XIRP2: variants seen among roughly 807,000 people sequenced by gnomAD.
XIRP2 encodes xin actin binding repeat containing 2.
XIRP2 carries 236 observed loss-of-function variants against 277.0 expected under a neutral mutation model. The observed-to-expected ratio is 0.85, with a 90% CI of 0.77 to 0.95. The LOEUF is 0.95. Among genes scored for constraint, XIRP2 ranks in the 40% least tolerant of loss-of-function variants. The probability of loss-of-function intolerance (pLI) is 0.00; values close to 1 mark genes in which losing one functional copy is unlikely to be tolerated. For missense variants in XIRP2, 4,640 were observed against 4,157.5 expected, an observed-to-expected ratio of 1.12 and a Z score of -3.19; for synonymous variants, 1,490 against 1,416.5, an observed-to-expected ratio of 1.05 and a Z score of -1.17.
At chr2:167,157,127 T>A (rs1337650596) in intron 3 of XIRP2, among the ~76,000 whole-genome samples, 1 of 151,892 alleles carries the variant, frequency 6.6e-6, no homozygotes, top group Non-Finnish European at 1.5e-5. Flanking sequence ...ACTAAAATCA[T>A]GGGAACAGGC....
intron 2 of XIRP2, among the ~76,000 whole-genome samples, chr2:167,114,438 C>G (rs77397967): frequency 0.082 from 12,448 of 151,836 alleles, 555 homozygotes; most frequent in South Asian, 0.17. Context: ...TTCCATTATG[C>G]AATTCTTTTT....
chr2:166,985,605 T>C (rs887036761), intron 2 of XIRP2, among the ~76,000 whole-genome samples: 3 of 152,050 alleles, frequency 2.0e-5, no homozygotes, highest in Non-Finnish European at 4.4e-5. Context: ...TAATTTTTGG[T>C]ATTTTTAGTA....
At position 167,258,283 on chromosome 2, in the gene XIRP2, TCTG is replaced by T; in HGVS notation, c.*469_*471del. 6.2e-7 allele frequency: 1 copy of T among 1,613,366 alleles called. No individual in the cohort carries two copies. On this transcript the variant is annotated 3_prime_UTR_variant, in exon 11 of 11. Coordinates refer to ENST00000409195, the MANE Select transcript of XIRP2 (RefSeq NM_152381.6). The stretch of plus-strand genomic sequence containing the variant: ...TATCCCCTGAATTTAAAAGTGAATC[TCTG>T]CTAGAAGATGTTAGAACTCCAGAAA...
chr2:167,080,872 A>T, intron 2 of XIRP2, among the ~76,000 whole-genome samples: 1 of 152,142 alleles, frequency 6.6e-6, no homozygotes, highest in East Asian at 1.9e-4. Context: ...TTAAGGTTGC[A>T]TTGAGAAAAT....
intron 3 of XIRP2, among the ~76,000 whole-genome samples, chr2:167,207,050 C>A (rs1693877857): frequency 2.0e-5 from 3 of 151,900 alleles, no homozygotes; most frequent in Non-Finnish European, 4.4e-5. Flanking sequence ...ATGTATCAAG[C>A]CATTGACCTT....
intron 2 of XIRP2, among the ~76,000 whole-genome samples, chr2:166,978,894 C>A (rs573582374): frequency 2.6e-5 from 4 of 152,122 alleles, no homozygotes; most frequent in Admixed American, 6.5e-5. Flanking sequence ...GTAGGCAAAT[C>A]CCTGAGACTG....
intron 2 of XIRP2, among the ~76,000 whole-genome samples, chr2:166,949,823 A>G (rs1004070808): frequency 6.6e-6 from 1 of 152,088 alleles, no homozygotes; most frequent in Non-Finnish European, 1.5e-5. Context: ...TGTGTCATAC[A>G]TTGTGTTTAT....
intron 2 of XIRP2, among the ~76,000 whole-genome samples, chr2:166,987,708 A>C (rs1558939337): frequency 6.6e-6 from 1 of 152,186 alleles, no homozygotes; most frequent in Non-Finnish European, 1.5e-5. Context: ...AAAGATTTGA[A>C]TGTGCCAGAT....
chr2:167,122,744 A>G (rs1691091826), intron 2 of XIRP2, among the ~76,000 whole-genome samples: 3 of 152,238 alleles, frequency 2.0e-5, no homozygotes, highest in Admixed American at 2.0e-4. Flanking sequence ...AATTCATAAC[A>G]CATCTATCAA....
intron 2 of XIRP2, among the ~76,000 whole-genome samples, chr2:166,930,684 A>T (rs569899536): frequency 6.6e-6 from 1 of 152,322 alleles, no homozygotes; most frequent in South Asian, 2.1e-4. Flanking sequence ...TTGGTAATTC[A>T]CTTTAACTCC....
intron 2 of XIRP2, among the ~76,000 whole-genome samples, chr2:167,129,643 A>C (rs1003357733): frequency 2.0e-5 from 3 of 152,046 alleles, no homozygotes; most frequent in Non-Finnish European, 2.9e-5. Flanking sequence ...GGCCGAGGCA[A>C]GTGGATCACC....
intron 2 of XIRP2, among the ~76,000 whole-genome samples, chr2:166,935,487 A>G (rs976841034): frequency 4.3e-5 from 6 of 139,804 alleles, no homozygotes; most frequent in Non-Finnish European, 8.0e-5. Flanking sequence ...ATATGTATGC[A>G]TGTGCCATGT....
chr2:166,903,948 C>T, intron 2 of XIRP2, 58 bp downstream of exon 2: 8 of 1,546,636 alleles, frequency 5.2e-6, no homozygotes, highest in Non-Finnish European at 6.1e-6. Context: ...CCTAGCCTAC[C>T]ATTTATTACT....
chr2:167,149,054 A>C (rs1448728365), intron 3 of XIRP2, among the ~76,000 whole-genome samples: 1 of 152,102 alleles, frequency 6.6e-6, no homozygotes. Context: ...TGGACTGTAC[A>C]CATAGGAGTG....
intron 2 of XIRP2, among the ~76,000 whole-genome samples, chr2:166,952,661 A>C (rs1686065523): frequency 6.6e-6 from 1 of 152,022 alleles, no homozygotes; most frequent in Non-Finnish European, 1.5e-5. Context: ...TTACTATAAC[A>C]ACTTTCATTG....
At chr2:166,905,204 A>G (rs1364213522) in intron 2 of XIRP2, among the ~76,000 whole-genome samples, 1 of 152,012 alleles carries the variant, frequency 6.6e-6, no homozygotes, top group Non-Finnish European at 1.5e-5. Context: ...TTACAATGTC[A>G]TTTATTTTTT....
intron 5 of XIRP2, among the ~76,000 whole-genome samples, chr2:167,226,155 A>G (rs1694595189): frequency 6.6e-6 from 1 of 152,228 alleles, no homozygotes; most frequent in South Asian, 2.1e-4. Context: ...TGGAAATGCA[A>G]ACGCAGATCC....
intron 3 of XIRP2, among the ~76,000 whole-genome samples, chr2:167,144,313 C>T (rs1482775938): frequency 6.6e-6 from 1 of 152,004 alleles, no homozygotes; most frequent in Non-Finnish European, 1.5e-5. Flanking sequence ...ATAAATTCTG[C>T]ATGTCACTGT....
At chr2:167,087,771 A>G (rs1018407671) in intron 2 of XIRP2, among the ~76,000 whole-genome samples, 6 of 152,190 alleles carry the variant, frequency 3.9e-5, no homozygotes, top group South Asian at 4.1e-4. Context: ...GCGCTTCCCA[A>G]GTGAGGCAAT....
Sources: gnomAD v4.1 joint callset for allele counts (sites outside exome capture counted in the v4.1 genomes callset) on GRCh38, gnomAD v4.1.1 for gene constraint, MANE v1.5 for transcripts, NCBI Gene and HGNC (gene_info 2026-07-23, HGNC 2026-07-21) for gene names.